Variants in SH3RF3 observed in about 807,000 individuals in gnomAD.
The protein encoded by SH3RF3 is SH3 domain containing ring finger 3, also known as E3 ubiquitin-protein ligase SH3RF3.
In SH3RF3, 29 loss-of-function variants were observed where a neutral mutation model predicts 66.3. That is an observed-to-expected ratio of 0.44 (90% CI 0.33 to 0.60). SH3RF3 has a LOEUF of 0.60. Among genes scored for constraint, SH3RF3 ranks in the 20% least tolerant of loss-of-function variants. The pLI is 0.04. For missense variants in SH3RF3, 1,194 were observed against 1,190.9 expected, an observed-to-expected ratio of 1.00 and a Z score of -0.04; for synonymous variants, 583 against 532.0, an observed-to-expected ratio of 1.10 and a Z score of -1.32.
At chr2:109,164,732 T>C (rs1677575653) in intron 1 of SH3RF3, among the ~76,000 whole-genome samples, 1 of 152,190 alleles carries the variant, frequency 6.6e-6, no homozygotes, top group East Asian at 1.9e-4. Context: ...CAATGTGATA[T>C]CACCTGGCTT....
chr2:109,353,398 C>T (rs1459222437), intron 2 of SH3RF3, among the ~76,000 whole-genome samples: 1 of 152,222 alleles, frequency 6.6e-6, no homozygotes, highest in East Asian at 1.9e-4. Context: ...GGAGGGAGCA[C>T]CCCACACTGA....
chr2:109,497,158 G>A (rs1049963513), intron 9 of SH3RF3, among the ~76,000 whole-genome samples: 3 of 152,282 alleles, frequency 2.0e-5, no homozygotes, highest in Middle Eastern at 3.4e-3. Context: ...ATGGTCATTC[G>A]TTATAGCCAT....
intron 3 of SH3RF3, among the ~76,000 whole-genome samples, chr2:109,373,297 T>C (rs1683314026): frequency 6.6e-6 from 1 of 152,242 alleles, no homozygotes; most frequent in African/African-American, 2.4e-5. Flanking sequence ...TCGGACATTT[T>C]TAGCTGGCCA....
intron 5 of SH3RF3, among the ~76,000 whole-genome samples, chr2:109,422,281 G>A (rs1676902908): frequency 6.6e-6 from 1 of 152,246 alleles, no homozygotes; most frequent in South Asian, 2.1e-4. Context: ...TGGGGCTGAT[G>A]TGAAAGTCAG....
chr2:109,447,203 A>AT (rs1677735589), intron 7 of SH3RF3, among the ~76,000 whole-genome samples: 1 of 151,524 alleles, frequency 6.6e-6, no homozygotes, highest in Non-Finnish European at 1.5e-5. Context: ...GAAAAAAAAA[A>AT]CCCACATAAA....
chr2:109,456,875 A>G (rs1433150311), intron 8 of SH3RF3, among the ~76,000 whole-genome samples: 3 of 152,216 alleles, frequency 2.0e-5, no homozygotes, highest in Admixed American at 6.5e-5. Flanking sequence ...TGGGGAGAAT[A>G]GCCTAGGGCT....
intron 1 of SH3RF3, among the ~76,000 whole-genome samples, chr2:109,174,516 G>T (rs1271599910): frequency 6.6e-6 from 1 of 152,256 alleles, no homozygotes; most frequent in African/African-American, 2.4e-5. Flanking sequence ...AGGGCAACGG[G>T]CAGTCCTGGA....
intron 1 of SH3RF3, among the ~76,000 whole-genome samples, chr2:109,270,673 C>T (rs973531339): frequency 2.0e-5 from 3 of 152,164 alleles, no homozygotes; most frequent in Non-Finnish European, 4.4e-5. Flanking sequence ...GTCTTGGCCC[C>T]GTATCTGGGC....
intron 3 of SH3RF3, among the ~76,000 whole-genome samples, chr2:109,391,388 G>A (rs1282008735): frequency 1.3e-5 from 2 of 152,212 alleles, no homozygotes; most frequent in African/African-American, 2.4e-5. Flanking sequence ...TGTGCTGGAG[G>A]GATGCAGGTC....
At chr2:109,294,115 T>C (rs1165650938) in intron 1 of SH3RF3, among the ~76,000 whole-genome samples, 1 of 152,188 alleles carries the variant, frequency 6.6e-6, no homozygotes, top group Non-Finnish European at 1.5e-5. Flanking sequence ...TTATGATTGC[T>C]CCTTGGGCCC....
chr2:109,449,539 T>C, intron 8 of SH3RF3, 50 bp downstream of exon 8: 1 of 1,578,594 alleles, frequency 6.3e-7, no homozygotes, highest in South Asian at 1.2e-5. Flanking sequence ...AGCTGCTTAC[T>C]GTAACTTTTT....
intron 6 of SH3RF3, among the ~76,000 whole-genome samples, chr2:109,435,789 C>T (rs116401216): frequency 0.016 from 2,380 of 152,282 alleles, 43 homozygotes; most frequent in South Asian, 0.073. Context: ...ATGATTTCCT[C>T]GGGGAAAAGT....
chr2:109,450,945 C>T (rs1464420225), intron 8 of SH3RF3, among the ~76,000 whole-genome samples: 2 of 152,256 alleles, frequency 1.3e-5, no homozygotes, highest in African/African-American at 4.8e-5. Context: ...CAGCCTCTCT[C>T]TCTTTCTCGA....
chr2:109,399,612 C>T (rs1279931363), intron 4 of SH3RF3, among the ~76,000 whole-genome samples: 2 of 152,162 alleles, frequency 1.3e-5, no homozygotes, highest in East Asian at 3.9e-4. Flanking sequence ...TACAAGCAAC[C>T]AATCAGTCAA....
chr2:109,407,315 C>T (rs1676474711), intron 4 of SH3RF3, among the ~76,000 whole-genome samples: 1 of 152,178 alleles, frequency 6.6e-6, no homozygotes, highest in Non-Finnish European at 1.5e-5. Context: ...GCAGGGAGAA[C>T]ATCAAAAGAC....
intron 1 of SH3RF3, among the ~76,000 whole-genome samples, chr2:109,157,322 A>G (rs1467343177): frequency 6.6e-6 from 1 of 152,214 alleles, no homozygotes; most frequent in Non-Finnish European, 1.5e-5. Flanking sequence ...CCTTTTTAAA[A>G]ACTTAAAATT....
chr2:109,291,895 C>T (rs763067098), intron 1 of SH3RF3, among the ~76,000 whole-genome samples: 53 of 152,214 alleles, frequency 3.5e-4, no homozygotes, highest in Non-Finnish European at 6.8e-4. Flanking sequence ...GATGGAGTCT[C>T]GCTCTGTTGC....
chr2:109,328,108 A>G (rs72627483), intron 1 of SH3RF3, among the ~76,000 whole-genome samples: 4,150 of 152,330 alleles, frequency 0.027, 208 homozygotes, highest in East Asian at 0.2. Context: ...ATGTATTACC[A>G]ACAGATGAAG....
intron 1 of SH3RF3, among the ~76,000 whole-genome samples, chr2:109,243,224 T>C (rs75204749): frequency 0.055 from 8,400 of 152,326 alleles, 498 homozygotes; most frequent in East Asian, 0.32. Context: ...GCAGATCCCC[T>C]GCCTCAGTAG....
Sources: gnomAD v4.1 joint callset for allele counts (sites outside exome capture counted in the v4.1 genomes callset) on GRCh38, gnomAD v4.1.1 for gene constraint, MANE v1.5 for transcripts, NCBI Gene and HGNC (gene_info 2026-07-23, HGNC 2026-07-21) for gene names.